The following RBFOX1 variants were observed in gnomAD, a reference collection of about 807,000 sequenced individuals.
The protein encoded by RBFOX1 is RNA binding protein fox-1 homolog 1.
A neutral mutation model predicts 57.7 loss-of-function variants in RBFOX1; 8 were observed. The observed-to-expected ratio is 0.14, with a 90% CI of 0.08 to 0.25. The LOEUF is 0.25. RBFOX1 is among the 10% of genes least tolerant of loss of function. The probability of loss-of-function intolerance (pLI) is 1.00; values close to 1 mark genes in which losing one functional copy is unlikely to be tolerated. For missense variants in RBFOX1, 611 were observed against 548.5 expected, an observed-to-expected ratio of 1.11 and a Z score of -1.14; for synonymous variants, 326 against 222.4, an observed-to-expected ratio of 1.47 and a Z score of -4.15.
chr16:5,460,954 C>T (rs1368509389), intron 1 of RBFOX1, among the ~76,000 whole-genome samples: 1 of 152,098 alleles, frequency 6.6e-6, no homozygotes, highest in African/African-American at 2.4e-5. Context: ...AAGGGATGTG[C>T]TCAGATGTCA....
chr16:6,834,294 T>C (rs1344425880), intron 3 of RBFOX1, among the ~76,000 whole-genome samples: 1 of 152,082 alleles, frequency 6.6e-6, no homozygotes, highest in Non-Finnish European at 1.5e-5. Context: ...CAGGCTGGTC[T>C]CAAACTCCCA....
At chr16:6,004,609 C>G (rs1255518230) in intron 4 of RBFOX1, among the ~76,000 whole-genome samples, 1 of 152,164 alleles carries the variant, frequency 6.6e-6, no homozygotes, top group African/African-American at 2.4e-5. Context: ...ATTTAACATG[C>G]ACTCTCAAAA....
chr16:7,163,867 C>T (rs1053955217), intron 4 of RBFOX1, among the ~76,000 whole-genome samples: 2 of 152,044 alleles, frequency 1.3e-5, no homozygotes, highest in South Asian at 4.2e-4. Flanking sequence ...ACCATGTTGG[C>T]CAGGCTGGTA....
At chr16:5,748,297 A>C (rs551275021) in intron 3 of RBFOX1, among the ~76,000 whole-genome samples, 2 of 152,102 alleles carry the variant, frequency 1.3e-5, no homozygotes, top group African/African-American at 4.8e-5. Context: ...ACTTCCAACT[A>C]TGTGGTCAAT....
intron 4 of RBFOX1, among the ~76,000 whole-genome samples, chr16:7,164,355 C>T (rs766651466): frequency 5.9e-5 from 9 of 152,054 alleles, no homozygotes; most frequent in Non-Finnish European, 2.9e-5. Flanking sequence ...TTTCTTGATC[C>T]ACTCATTGGC....
At chr16:5,794,077 G>C (rs567186394) in intron 3 of RBFOX1, among the ~76,000 whole-genome samples, 1 of 152,214 alleles carries the variant, frequency 6.6e-6, no homozygotes, top group South Asian at 2.1e-4. Context: ...TTGGAGCCTC[G>C]ACCTTGACAT....
chr16:5,790,935 T>A (rs1171299963), intron 3 of RBFOX1, among the ~76,000 whole-genome samples: 1 of 151,670 alleles, frequency 6.6e-6, no homozygotes, highest in Non-Finnish European at 1.5e-5. Context: ...GTGGTGTGAT[T>A]TCGGCACACT....
intron 2 of RBFOX1, among the ~76,000 whole-genome samples, chr16:5,495,335 A>G (rs901743259): frequency 6.6e-6 from 1 of 152,218 alleles, no homozygotes; most frequent in Non-Finnish European, 1.5e-5. Context: ...TTGAATCTGC[A>G]GAGAGAGACT....
intron 4 of RBFOX1, among the ~76,000 whole-genome samples, chr16:7,364,287 G>C (rs2097392347): frequency 6.6e-6 from 1 of 152,066 alleles, no homozygotes; most frequent in African/African-American, 2.4e-5. Flanking sequence ...TGAAGTATGA[G>C]ATCTGTTTAT....
chr16:7,218,971 T>C (rs1401929335), intron 4 of RBFOX1, among the ~76,000 whole-genome samples: 1 of 152,040 alleles, frequency 6.6e-6, no homozygotes, highest in Non-Finnish European at 1.5e-5. Context: ...ATATTGCTGG[T>C]TCCAAAAAAC....
intron 3 of RBFOX1, among the ~76,000 whole-genome samples, chr16:5,793,584 C>A (rs2054776468): frequency 6.6e-6 from 1 of 152,152 alleles, no homozygotes; most frequent in African/African-American, 2.4e-5. Context: ...CCCCCAGGCC[C>A]CTCTCTTCAC....
At chr16:6,832,744 C>G (rs374540029) in intron 3 of RBFOX1, among the ~76,000 whole-genome samples, 5 of 152,214 alleles carry the variant, frequency 3.3e-5, no homozygotes, top group African/African-American at 4.8e-5. Context: ...TTGCAGCTCT[C>G]TGTAACTGTC....
chr16:7,635,696 G>A (rs929669642), intron 11 of RBFOX1, among the ~76,000 whole-genome samples: 6 of 152,236 alleles, frequency 3.9e-5, no homozygotes, highest in African/African-American at 1.2e-4. Flanking sequence ...CTCCCTTTAA[G>A]CCTTTTAGAT....
chr16:6,312,337 T>A (rs1182529647), intron 1 of RBFOX1, among the ~76,000 whole-genome samples: 1 of 151,532 alleles, frequency 6.6e-6, no homozygotes, highest in Non-Finnish European at 1.5e-5. Context: ...CCCTCCTCCA[T>A]GGCTCTTCCA....
chr16:6,938,155 G>A (rs779408084), intron 3 of RBFOX1, among the ~76,000 whole-genome samples: 1 of 152,074 alleles, frequency 6.6e-6, no homozygotes, highest in Non-Finnish European at 1.5e-5. Flanking sequence ...CAAGTTCATT[G>A]TTTAAAAACA....
At chr16:7,354,617 C>T (rs182052774) in intron 4 of RBFOX1, among the ~76,000 whole-genome samples, 13 of 152,272 alleles carry the variant, frequency 8.5e-5, no homozygotes, top group Middle Eastern at 3.4e-3. Context: ...GCACTATTAC[C>T]GTGCCCAATT....
chr16:6,849,566 G>C (rs2141903176), intron 3 of RBFOX1, among the ~76,000 whole-genome samples: 1 of 152,286 alleles, frequency 6.6e-6, no homozygotes, highest in Non-Finnish European at 1.5e-5. Flanking sequence ...CTACTCCACA[G>C]GCTGAGACAG....
intron 2 of RBFOX1, among the ~76,000 whole-genome samples, chr16:6,479,763 G>T (rs573218678): frequency 6.3e-4 from 96 of 151,876 alleles, no homozygotes; most frequent in African/African-American, 2.2e-3. Flanking sequence ...CCAATCACCA[G>T]TCTAGGCCAG....
At chr16:6,194,948 C>A (rs1402036639) in intron 1 of RBFOX1, among the ~76,000 whole-genome samples, 2 of 152,146 alleles carry the variant, frequency 1.3e-5, no homozygotes, top group Non-Finnish European at 2.9e-5. Context: ...TTTTAGGAAA[C>A]CAACCCTATT....
Sources: gnomAD v4.1 joint callset for allele counts (sites outside exome capture counted in the v4.1 genomes callset) on GRCh38, gnomAD v4.1.1 for gene constraint, MANE v1.5 for transcripts, NCBI Gene and HGNC (gene_info 2026-07-23, HGNC 2026-07-21) for gene names.